The following ACSM5 variants were observed in gnomAD, a reference collection of about 807,000 sequenced individuals.
ACSM5 encodes the protein acyl-CoA synthetase medium chain family member 5.
Under a neutral mutation model 71.6 loss-of-function variants are expected in ACSM5, and 56 were observed. The ratio of observed to expected loss-of-function variants is 0.78; its 90% CI spans 0.63 to 0.98. The LOEUF is 0.98. Among genes scored for constraint, ACSM5 ranks in the 50% least tolerant of loss-of-function variants. The pLI, the probability that ACSM5 is intolerant of heterozygous loss-of-function variation, is 0.00. For missense variants in ACSM5, 723 were observed against 726.0 expected (o/e 1.00, Z 0.05); for synonymous variants, 285 against 281.5 (o/e 1.01, Z -0.12).
intron 4 of ACSM5, chr16:20,421,048 T>C: frequency 2.3e-6 from 1 of 432,280 alleles, no homozygotes. Context: ...ATTTATCTAT[T>C]TTGAGCCTCA....
chr16:20,423,907 T>G lies in ACSM5; in HGVS notation c.768-9T>G. ...GCCAAGGTTACTGACGTTCTCTAATTTTTGGCAGACGGTGGGTGGCCTTGA... is the reference window on the plus strand; with the variant it reads ...GCCAAGGTTACTGACGTTCTCTAATGTTTGGCAGACGGTGGGTGGCCTTGA... On this transcript the variant is annotated splice_polypyrimidine_tract_variant and intron_variant, in intron 5 of 13. Coordinates refer to ENST00000331849, the MANE Select transcript of ACSM5 (RefSeq NM_017888.3). 6.2e-7 allele frequency: 1 copy of G among 1,613,840 alleles called. No homozygotes were observed. Among genetic ancestry groups the G allele is most frequent in the Non-Finnish European group, 8.5e-7 (1 of 1,179,902 alleles).
At position 20,427,858 on chromosome 16, in the gene ACSM5, A is replaced by T; in HGVS notation, c.992A>T (p.Asp331Val). ...PTIFRLLVQE[D>V]LTRYQFQSLR... ...ATCTTTCGGCTGCTTGTGCAGGAGG[A>T]TCTGACCAGGTACAGCCCGTCTATT... is the stretch of plus-strand genomic sequence containing the variant. The change falls in exon 7 of 14, where the codon GAT becomes GTT. Residue 331 changes from aspartate (D) to valine (V), a missense_variant. Transcript: ENST00000331849. The T allele has an allele frequency of 1.2e-6, 2 of 1,613,420 alleles. No individual in the cohort carries two copies. The highest frequency in any genetic ancestry group is 2.2e-5 in the East Asian group (1 of 44,866).
rs183551394 is a variant in ACSM5, at chr16:20,421,171, G to A, written c.624-87G>A. ...ACCTCACATGTGGTATTTATGAAAC[G>A]GTAGTCATATTGTTGTTACACATAT... is the stretch of plus-strand genomic sequence containing the variant. On this transcript the variant is annotated intron_variant, in intron 4 of 13. Transcript: ENST00000331849. The A allele has an allele frequency of 1.0e-4, 146 of 1,427,100 alleles. 1 individual carries two copies. In the East Asian group the frequency reaches 1.0e-3, roughly 10 times the overall value. The allele number at this position is 1,427,100 out of a possible 1,614,324, so 88.4% of individuals were successfully genotyped here. A position where few individuals can be genotyped will look rare whatever the true frequency, so the allele number is the denominator to read the frequency against.
rs1333862939 is a variant in ACSM5 at position 20,424,017 on chromosome 16, C to T, written c.869C>T (p.Ser290Phe). The T allele has an allele frequency of 6.2e-7, 1 of 1,614,162 alleles. No homozygotes were observed. Among genetic ancestry groups the T allele is most frequent in the East Asian group, 2.2e-5 (1 of 44,876 alleles). Reference sequence around the variant, plus strand: ...CTCTTCTCTGCCTGGCCTAATGGATCTTGCATTTTTGTGCATGAGCTGCCC... The same window carrying T: ...CTCTTCTCTGCCTGGCCTAATGGATTTTGCATTTTTGTGCATGAGCTGCCC... ...WTLFSAWPNGSCIFVHELPRV... is the reference protein window; with the variant it reads ...WTLFSAWPNGFCIFVHELPRV... Residue 290 changes from serine to phenylalanine, a missense_variant, in exon 6 of 14, where the codon TCT becomes TTT. By Grantham distance (155) the Ser-to-Phe change is radical (BLOSUM62 -2). Transcript: ENST00000331849.
Position 20,423,972 on chromosome 16 carries a change from G to A in ACSM5, c.824G>A (p.Trp275Ter), listed in dbSNP as rs1966927402. The A allele has an allele frequency of 1.8e-5, 29 of 1,614,074 alleles. No individual in the cohort carries two copies. Among genetic ancestry groups the A allele is most frequent in the Non-Finnish European group, 2.5e-5 (29 of 1,180,036 alleles). Residue 275 changes from tryptophan to a stop codon, truncating the protein, a stop_gained, in exon 6 of 14, where the codon TGG becomes TAG. Transcript: ENST00000331849. LOFTEE classifies it high-confidence loss of function. ...TTCTGGAACACGACTGACACTGGCT[G>A]GGTGAAGGCAGCCTGGACTCTCTTC... ...DIFWNTTDTG[W>*]VKAAWTLFSA...
At chr16:20,436,345 C>A (rs915088677) in intron 10 of ACSM5, among the ~76,000 whole-genome samples, 6 of 144,690 alleles carry the variant, frequency 4.1e-5, no homozygotes, top group African/African-American at 1.5e-4. Context: ...GTGGCACAAT[C>A]TTGCAATCTC....
intron 10 of ACSM5, among the ~76,000 whole-genome samples, chr16:20,432,371 G>T (rs1314650742): frequency 6.6e-6 from 1 of 152,182 alleles, no homozygotes; most frequent in Non-Finnish European, 1.5e-5. Flanking sequence ...ATCAGCTACA[G>T]AATTAGAAGG....
At chr16:20,430,078 A>G (rs577288544) in intron 8 of ACSM5, among the ~76,000 whole-genome samples, 8 of 152,196 alleles carry the variant, frequency 5.3e-5, no homozygotes, top group Admixed American at 3.9e-4. Context: ...GAAGGTAAAA[A>G]AACTACGTAT....
At chr16:20,415,219 C>T (rs1966854153) in intron 2 of ACSM5, among the ~76,000 whole-genome samples, 1 of 152,170 alleles carries the variant, frequency 6.6e-6, no homozygotes, top group Admixed American at 6.5e-5. Flanking sequence ...AATTCTCAGC[C>T]TTCCTATATT....
intron 6 of ACSM5, among the ~76,000 whole-genome samples, chr16:20,424,415 A>G (rs538350183): frequency 1.9e-4 from 29 of 152,262 alleles, no homozygotes; most frequent in African/African-American, 6.5e-4. Context: ...GCTACTGTCC[A>G]TGGTTCTTAA....
intron 2 of ACSM5, chr16:20,411,907 C>A: frequency 1.8e-6 from 1 of 561,918 alleles, no homozygotes; most frequent in Non-Finnish European, 3.2e-6. Flanking sequence ...AAGTGTCCTG[C>A]ATTCTTGAGC....
At chr16:20,424,995 A>G (rs1454386361) in intron 6 of ACSM5, among the ~76,000 whole-genome samples, 1 of 152,202 alleles carries the variant, frequency 6.6e-6, no homozygotes, top group Non-Finnish European at 1.5e-5. Context: ...TTGTGTTACA[A>G]TCTAATTATA....
At chr16:20,425,783 T>C (rs373361013) in intron 6 of ACSM5, among the ~76,000 whole-genome samples, 4,143 of 147,638 alleles carry the variant, frequency 0.028, 86 homozygotes, top group Middle Eastern at 0.052. Flanking sequence ...GGCTGAGTTG[T>C]ATTCCATTAT....
At chr16:20,424,117 G>C in intron 6 of ACSM5, 48 bp downstream of exon 6, 1 of 1,599,452 alleles carries the variant, frequency 6.3e-7, no homozygotes, top group Non-Finnish European at 8.5e-7. Context: ...GTACAAATGA[G>C]ATGAGTGGGA....
chr16:20,437,272 C>G lies in ACSM5; in HGVS notation c.1441C>G (p.Arg481Gly). The G allele has an allele frequency of 1.2e-6, 2 of 1,614,128 alleles. No homozygotes were observed. The highest frequency in any genetic ancestry group is 1.7e-5 in the Admixed American group (1 of 60,018). The change falls in exon 12 of 14, where the codon CGG (arginine) becomes GGG (glycine). Residue 481 changes from arginine to glycine, a missense_variant. Coordinates refer to ENST00000331849, the MANE Select transcript of ACSM5 (RefSeq NM_017888.3). ...GAGTTTGTTTTTCCCTTCCAGCTAC[C>G]GGATCGGGCCTGTTGAAGTGGAAAG... The part of the protein sequence containing the change: ...NDDVINSSSY[R>G]IGPVEVESAL...
Position 20,440,398 on chromosome 16 carries a change from A to G in ACSM5, c.1711A>G (p.Lys571Glu), listed in dbSNP as rs370563435. The G allele has an allele frequency of 4.3e-6, 7 of 1,610,642 alleles. No individual in the cohort carries two copies. The African/African-American group carries it at 6.7e-5, about 15-fold the overall frequency. The stretch of plus-strand genomic sequence containing the variant: ...GGTTTCTGGAAAGATCCAAAGGAGT[A>G]AATTGCGAAGTCAGGAGTGGGGGAA... ...KTVSGKIQRS[K>E]LRSQEWGK Residue 571 changes from lysine (K) to glutamate (E), a missense_variant, in exon 14 of 14, where the codon AAA becomes GAA. Lys to Glu is a moderately conservative substitution (Grantham distance 56). Coordinates refer to ENST00000331849, the MANE Select transcript of ACSM5 (RefSeq NM_017888.3).
chr16:20,418,581 G>T (rs1471759640), intron 3 of ACSM5, among the ~76,000 whole-genome samples: 2 of 152,166 alleles, frequency 1.3e-5, no homozygotes, highest in Non-Finnish European at 1.5e-5. Context: ...ATGAATACCA[G>T]TGTTATCAGA....
rs568429066 is a variant in ACSM5 at position 20,425,046 on chromosome 16, G to A, written c.921+977G>A. On this transcript the variant is annotated intron_variant, in intron 6 of 13. Transcript: ENST00000331849. Reference sequence around the variant, plus strand: ...TAAAATGTACAATTAAGTTTTTATTGACTATAGTCACCCTGATGTGCTTTA... The same window carrying A: ...TAAAATGTACAATTAAGTTTTTATTAACTATAGTCACCCTGATGTGCTTTA... 1.3e-3 allele frequency among the ~76,000 whole-genome samples: 199 copies of A among 152,110 alleles called. 1 individual carries two copies. Among genetic ancestry groups the A allele is most frequent in the Non-Finnish European group, 2.0e-3 (134 of 67,988 alleles).
Position 20,437,363 on chromosome 16 carries a change from G to T in ACSM5, c.1532G>T (p.Gly511Val), listed in dbSNP as rs768006269. 3.1e-6 allele frequency: 5 copies of T among 1,611,766 alleles called. No individual in the cohort carries two copies. Among genetic ancestry groups the T allele is most frequent in the Non-Finnish European group, 4.2e-6 (5 of 1,178,124 alleles). The change falls in exon 12 of 14, where the codon GGA becomes GTA. Residue 511 changes from glycine to valine, a missense_variant. By Grantham distance (109) the Gly-to-Val change is moderately radical. Transcript: ENST00000331849. ...GTCAGCAGCCCAGACCCCATCAGGG[G>T]AGAGGTAACCAGTGCACCCAAGAAC... is the stretch of plus-strand genomic sequence containing the variant. ...AVVSSPDPIR[G>V]EVVKAFIVLT...
Sources: allele counts gnomAD v4.1 joint callset (sites outside exome capture counted in the v4.1 genomes callset), GRCh38; gene constraint gnomAD v4.1.1; transcripts MANE v1.5; gene names NCBI Gene and HGNC (gene_info 2026-07-23, HGNC 2026-07-21).